The following XYLT1 variants were observed in gnomAD, a reference collection of about 807,000 sequenced individuals.
XYLT1 encodes the protein beta-D-xylosyltransferase 1.
XYLT1 carries 36 observed loss-of-function variants against 91.3 expected under a neutral mutation model. That is an observed-to-expected ratio of 0.39 (90% confidence interval 0.30 to 0.52). The LOEUF is 0.52. Among genes scored for constraint, XYLT1 ranks in the 20% least tolerant of loss-of-function variants. The pLI, the probability that XYLT1 is intolerant of heterozygous loss-of-function variation, is 0.68. For missense variants in XYLT1, 1,242 were observed against 1,284.5 expected (o/e 0.97, Z 0.51); for synonymous variants, 588 against 532.0 (o/e 1.11, Z -1.45).
chr16:17,360,352 C>CA (rs1355874334), intron 1 of XYLT1, among the ~76,000 whole-genome samples: 2 of 152,166 alleles, frequency 1.3e-5, no homozygotes, highest in Non-Finnish European at 2.9e-5. Context: ...AAATCTCTGT[C>CA]AACTGTGTTG....
In XYLT1 at chr16:17,298,345, C is replaced by G. The variant is rs557793252; in HGVS notation, c.403-38847G>C. Among the ~76,000 whole-genome samples the G allele has an allele frequency of 2.0e-5, 3 of 152,292 alleles. No homozygotes were observed. In the East Asian group the frequency reaches 5.8e-4, roughly 29 times the overall value. ...CCCTGCACAGCCACCCCATGCCACA[C>G]GCAGAGCCCAGGAGATCTCATCTCA... On this transcript the variant is annotated intron_variant, in intron 2 of 11. Coordinates refer to ENST00000261381, the MANE Select transcript of XYLT1 (RefSeq NM_022166.4).
chr16:17,251,231 A>T (rs1328938612), intron 3 of XYLT1: 1 of 152,238 alleles, frequency 6.6e-6, no homozygotes, highest in Non-Finnish European at 1.5e-5. Context: ...TGATGGGTAA[A>T]GACGGTTTGT....
At chr16:17,343,390 G>A (rs971089057) in intron 2 of XYLT1, among the ~76,000 whole-genome samples, 1 of 152,124 alleles carries the variant, frequency 6.6e-6, no homozygotes, top group African/African-American at 2.4e-5. Flanking sequence ...GTGGGCTTGG[G>A]GTCTCCATCC....
intron 1 of XYLT1, among the ~76,000 whole-genome samples, chr16:17,443,827 G>C (rs2036560731): frequency 6.6e-6 from 1 of 152,098 alleles, no homozygotes; most frequent in Admixed American, 6.6e-5. Context: ...ATCATATCTA[G>C]ACTAGAGGGT....
chr16:17,331,352 C>T (rs558586438), intron 2 of XYLT1, among the ~76,000 whole-genome samples: 34 of 152,338 alleles, frequency 2.2e-4, no homozygotes, highest in African/African-American at 8.2e-4. Flanking sequence ...GGCATGACAT[C>T]AACTAACAGC....
At chr16:17,360,574 G>T (rs1218780362) in intron 1 of XYLT1, among the ~76,000 whole-genome samples, 1 of 152,124 alleles carries the variant, frequency 6.6e-6, no homozygotes, top group African/African-American at 2.4e-5. Context: ...TAATACTTGG[G>T]TTTCACTTGC....
chr16:17,102,709 TC>T lies in XYLT1; in HGVS notation c.*5985del, dbSNP rs1966721588. ...ACTCCTTTAAATAAATAGCAAAATA[TC>T]TACATATTTCAGCGTGTGCCATTTG... On this transcript the variant is annotated 3_prime_UTR_variant, in exon 12 of 12. Coordinates refer to ENST00000261381, the MANE Select transcript of XYLT1 (RefSeq NM_022166.4). 1 of 152,464 alleles carries T rather than the reference TC, an allele frequency of 6.6e-6. No individual in the cohort carries two copies. Among genetic ancestry groups the T allele is most frequent in the African/African-American group, 2.4e-5 (1 of 41,460 alleles). 9.4% of individuals were successfully genotyped at this position (152,464 alleles called of 1,614,324 possible). A position where few individuals can be genotyped will look rare whatever the true frequency, so the allele number is the denominator to read the frequency against.
intron 6 of XYLT1, among the ~76,000 whole-genome samples, chr16:17,147,804 T>C (rs1258843223): frequency 6.6e-6 from 1 of 152,138 alleles, no homozygotes; most frequent in Non-Finnish European, 1.5e-5. Context: ...AAAGGTAAAA[T>C]TGGAAGGCAA....
At chr16:17,239,779 C>T (rs1344691710) in intron 3 of XYLT1, among the ~76,000 whole-genome samples, 1 of 152,074 alleles carries the variant, frequency 6.6e-6, no homozygotes, top group Non-Finnish European at 1.5e-5. Context: ...CATCCACCAA[C>T]CACCCACTCG....
intron 2 of XYLT1, among the ~76,000 whole-genome samples, chr16:17,326,072 C>T (rs942207056): frequency 2.0e-5 from 3 of 152,198 alleles, no homozygotes; most frequent in Non-Finnish European, 2.9e-5. Context: ...AGTCTGGATA[C>T]ATGCACAGAC....
At chr16:17,383,885 T>G in intron 1 of XYLT1, among the ~76,000 whole-genome samples, 1 of 151,564 alleles carries the variant, frequency 6.6e-6, no homozygotes. Context: ...GTAGCTGGGA[T>G]TATAGGTGCC....
chr16:17,222,727 T>C (rs1206840492), intron 3 of XYLT1, among the ~76,000 whole-genome samples: 1 of 147,296 alleles, frequency 6.8e-6, no homozygotes, highest in African/African-American at 2.5e-5. Flanking sequence ...GAGGCAGAGA[T>C]TGCAGCGAGC....
rs760991981 is a variant in XYLT1 at position 17,117,684 on chromosome 16, G to A, written c.2519C>T (p.Ala840Val). ...VPVAETKFLV[A>V]PLTFSNRQPI... Reference sequence around the variant, plus strand: ...CTGCCTGTTCGAGAAGGTCAGAGGCGCAACGAGGAATTTGGTCTCTGCAAC... The same window carrying A: ...CTGCCTGTTCGAGAAGGTCAGAGGCACAACGAGGAATTTGGTCTCTGCAAC... The change falls in exon 11 of 12, where the codon GCG becomes GTG. Residue 840 changes from alanine (A) to valine (V), a missense_variant. Around this residue, in one of 3 missense-constraint regions of XYLT1, gnomAD observed 511 missense variants for 497.0 expected, o/e 1.03. Transcript: ENST00000261381. The A allele has an allele frequency of 9.9e-6, 16 of 1,613,890 alleles. No homozygotes were observed. The highest frequency in any genetic ancestry group is 1.6e-4 in the Middle Eastern group (1 of 6,082).
chr16:17,217,714 C>A (rs1046938866), intron 3 of XYLT1, among the ~76,000 whole-genome samples: 1 of 152,150 alleles, frequency 6.6e-6, no homozygotes, highest in African/African-American at 2.4e-5. Flanking sequence ...AACAGATCAA[C>A]GTATTTTACA....
chr16:17,434,695 A>G (rs1394640006), intron 1 of XYLT1, among the ~76,000 whole-genome samples: 1 of 152,082 alleles, frequency 6.6e-6, no homozygotes, highest in Non-Finnish European at 1.5e-5. Context: ...CATTTCTACA[A>G]AAATAATACT....
intron 5 of XYLT1, among the ~76,000 whole-genome samples, chr16:17,165,597 C>T (rs1358206743): frequency 2.6e-5 from 4 of 152,062 alleles, no homozygotes; most frequent in Non-Finnish European, 5.9e-5. Context: ...GAGGCTGAGG[C>T]ATGAGAATTG....
chr16:17,224,969 G>A (rs972950855), intron 3 of XYLT1, among the ~76,000 whole-genome samples: 18 of 152,290 alleles, frequency 1.2e-4, no homozygotes, highest in African/African-American at 4.1e-4. Flanking sequence ...GAGTGTGGCT[G>A]TGTTCCAATA....
In XYLT1 at chr16:17,327,602, TCCCGCCCCCCCCCCC is replaced by T. The variant is rs1379114217; in HGVS notation, c.402+30395_402+30409del. Among the ~76,000 whole-genome samples the T allele has an allele frequency of 6.2e-4, 66 of 107,122 alleles. 10 individuals are homozygous for T. Among genetic ancestry groups the T allele is most frequent in the South Asian group, 1.5e-3 (4 of 2,592 alleles). 70.3% of individuals were successfully genotyped at this position (107,122 alleles called of 152,430 possible). On this transcript the variant is annotated intron_variant, in intron 2 of 11. Coordinates refer to ENST00000261381, the MANE Select transcript of XYLT1 (RefSeq NM_022166.4). ...TGGTCTCAATCTCCTGACCTCGTGATCCCGCCCCCCCCCCCCCCCCCCCCCCGCCTCGGCCTCCCA... is the reference window on the plus strand; with the variant it reads ...TGGTCTCAATCTCCTGACCTCGTGATCCCCCCCCCCCGCCTCGGCCTCCCA...
At chr16:17,290,792 A>G (rs1020158932) in intron 2 of XYLT1, among the ~76,000 whole-genome samples, 2 of 152,254 alleles carry the variant, frequency 1.3e-5, no homozygotes, top group Admixed American at 6.5e-5. Context: ...CCTATCTGAA[A>G]CATGACAAAA....
Sources: gnomAD v4.1 joint callset for allele counts (sites outside exome capture counted in the v4.1 genomes callset) on GRCh38, gnomAD v4.1.1 for gene constraint, gnomAD v4.1.1 regional missense constraint, MANE v1.5 for transcripts, NCBI Gene and HGNC (gene_info 2026-07-23, HGNC 2026-07-21) for gene names.